Variants in AKIRIN1 observed in about 807,000 individuals in gnomAD.
AKIRIN1 encodes akirin 1, also known as akirin-1.
AKIRIN1 carries 4 observed loss-of-function variants against 25.9 expected under a neutral mutation model. The ratio of observed to expected loss-of-function variants is 0.15; its 90% CI spans 0.08 to 0.35. The LOEUF is 0.35. Ranked by LOEUF, AKIRIN1 falls within the 10% of genes least tolerant of loss-of-function variation. AKIRIN1 has a pLI of 1.00. For synonymous variants in AKIRIN1, 125 were observed against 105.1 expected (o/e 1.19, Z -1.16); for missense variants, 243 against 266.1 (o/e 0.91, Z 0.61).
At chr1:38,992,982 C>T (rs1245039645) in intron 1 of AKIRIN1, among the ~76,000 whole-genome samples, 1 of 152,144 alleles carries the variant, frequency 6.6e-6, no homozygotes, top group Non-Finnish European at 1.5e-5. Flanking sequence ...TTAAAGAACC[C>T]TCAAAGACAG....
At position 39,005,371 on chromosome 1, in the gene AKIRIN1, T is replaced by C. The variant is rs539911811; in HGVS notation, c.*1316T>C. On this transcript the variant is annotated 3_prime_UTR_variant, in exon 5 of 5. Coordinates refer to ENST00000432648, the MANE Select transcript of AKIRIN1 (RefSeq NM_024595.3). Reference sequence around the variant, plus strand: ...CGGGTTCTCCCAAATTCTTTTGAGGTGTCCATGGTCAACTGCTTCAGCTTT... The same window carrying C: ...CGGGTTCTCCCAAATTCTTTTGAGGCGTCCATGGTCAACTGCTTCAGCTTT... 6.6e-6 allele frequency: 1 copy of C among 151,508 alleles called. No homozygotes were observed. The highest frequency in any genetic ancestry group is 1.9e-4 in the East Asian group (1 of 5,156). 9.4% of individuals were successfully genotyped at this position (151,508 alleles called of 1,614,324 possible).
chr1:38,998,963 G>A (rs1570974331), intron 2 of AKIRIN1, among the ~76,000 whole-genome samples: 1 of 152,082 alleles, frequency 6.6e-6, no homozygotes, highest in African/African-American at 2.4e-5. Flanking sequence ...CTGTTGTATT[G>A]TACATGCAGT....
intron 2 of AKIRIN1, 143 bp downstream of exon 2, chr1:38,998,454 C>CATGAAATTGGA: frequency 4.9e-6 from 5 of 1,014,812 alleles, no homozygotes; most frequent in Non-Finnish European, 4.0e-6. Context: ...TAAAACTATA[C>CATGAAATTGGA]AGTCATGAAA....
intron 1 of AKIRIN1, among the ~76,000 whole-genome samples, chr1:38,991,959 A>G (rs987317754): frequency 7.6e-6 from 1 of 131,804 alleles, no homozygotes; most frequent in African/African-American, 2.8e-5. Context: ...CCAGTGGGCC[A>G]TGGAAAATTG....
Position 39,004,091 on chromosome 1 carries a change from C to G in AKIRIN1, c.*36C>G. ...CATATCTGGGTACCAGGTTTGACCT[C>G]AAGAGATGGCTGCTGTACACTTTTT... On this transcript the variant is annotated 3_prime_UTR_variant, in exon 5 of 5. Coordinates refer to ENST00000432648, the MANE Select transcript of AKIRIN1 (RefSeq NM_024595.3). 1.2e-6 allele frequency: 2 copies of G among 1,602,226 alleles called. No individual in the cohort carries two copies. Among genetic ancestry groups the G allele is most frequent in the Non-Finnish European group, 1.7e-6 (2 of 1,169,288 alleles).
At chr1:38,998,081 CAG>C (rs1274256831) in intron 1 of AKIRIN1, 88 bp from the exon 2 acceptor site, 2 of 1,385,526 alleles carry the variant, frequency 1.4e-6, no homozygotes, top group African/African-American at 2.9e-5. Flanking sequence ...AAAGTCTAGT[CAG>C]AAGATCTTTG....
intron 1 of AKIRIN1, among the ~76,000 whole-genome samples, chr1:38,994,656 T>C: frequency 7.2e-6 from 1 of 139,062 alleles, no homozygotes; most frequent in Admixed American, 7.7e-5. Flanking sequence ...CAGGCATGTG[T>C]CACTACGCTC....
rs1644029019 is a variant in AKIRIN1 at position 39,005,675 on chromosome 1, C to G, written c.*1620C>G. 1 of 152,080 alleles carries G rather than the reference C, an allele frequency of 6.6e-6. No homozygotes were observed. Among genetic ancestry groups the G allele is most frequent in the South Asian group, 2.1e-4 (1 of 4,826 alleles). The allele number at this position is 152,080 out of a possible 1,614,324, so 9.4% of individuals were successfully genotyped here. A position where few individuals can be genotyped will look rare whatever the true frequency, so the allele number is the denominator to read the frequency against. Reference sequence around the variant, plus strand: ...ATTCTGAGTTTAATTCAAATGTATGCCAATACCTTCCAAAGTAAGGTAATA... The same window carrying G: ...ATTCTGAGTTTAATTCAAATGTATGGCAATACCTTCCAAAGTAAGGTAATA... On this transcript the variant is annotated 3_prime_UTR_variant, in exon 5 of 5. Transcript: ENST00000432648.
At chr1:39,000,257 G>GTTC (rs1423373051) in intron 2 of AKIRIN1, among the ~76,000 whole-genome samples, 15 of 152,070 alleles carry the variant, frequency 9.9e-5, no homozygotes, top group South Asian at 4.2e-4. Context: ...AACCAGGCTG[G>GTTC]TAGAAGCTTA....
intron 1 of AKIRIN1, among the ~76,000 whole-genome samples, chr1:38,997,909 G>A (rs146906551): frequency 2.0e-5 from 3 of 152,292 alleles, no homozygotes; most frequent in East Asian, 3.9e-4. Flanking sequence ...ACTCTGTCTG[G>A]TTTATGCCAA....
At chr1:38,994,339 G>A (rs1643931017) in intron 1 of AKIRIN1, among the ~76,000 whole-genome samples, 1 of 152,144 alleles carries the variant, frequency 6.6e-6, no homozygotes, top group Admixed American at 6.6e-5. Flanking sequence ...GTAAAACTAA[G>A]CCTTTTATTG....
At chr1:38,993,395 G>T (rs893364501) in intron 1 of AKIRIN1, among the ~76,000 whole-genome samples, 5 of 151,792 alleles carry the variant, frequency 3.3e-5, no homozygotes, top group Non-Finnish European at 7.4e-5. Flanking sequence ...GCCGGGCGAG[G>T]TTGCGTTGAG....
intron 2 of AKIRIN1, among the ~76,000 whole-genome samples, chr1:39,000,380 G>A (rs966613048): frequency 1.2e-5 from 1 of 85,550 alleles, no homozygotes; most frequent in Non-Finnish European, 2.3e-5. Flanking sequence ...TTTTGCTCTT[G>A]TTGCCCCGTT....
intron 3 of AKIRIN1, among the ~76,000 whole-genome samples, chr1:39,002,768 T>G (rs1007067699): frequency 2.6e-5 from 4 of 152,070 alleles, no homozygotes; most frequent in African/African-American, 9.7e-5. Context: ...TCATTCCCTC[T>G]CCCACTCCCA....
intron 1 of AKIRIN1, among the ~76,000 whole-genome samples, chr1:38,994,384 A>C (rs958081913): frequency 2.0e-5 from 3 of 152,226 alleles, no homozygotes; most frequent in African/African-American, 7.2e-5. Context: ...TGAATTCCAG[A>C]CATGGAAGAA....
Position 39,004,033 on chromosome 1 carries a change from C to G in AKIRIN1, c.569-12C>G. ...ATTCTTACCCTTTTTGTTTTTTATT[C>G]TTAATTTACAGATGTGTCATGAAGC... On this transcript the variant is annotated splice_polypyrimidine_tract_variant and intron_variant, in intron 4 of 4. Coordinates refer to ENST00000432648, the MANE Select transcript of AKIRIN1 (RefSeq NM_024595.3). The G allele has an allele frequency of 1.2e-6, 2 of 1,605,380 alleles. No homozygotes were observed. Among genetic ancestry groups the G allele is most frequent in the Non-Finnish European group, 1.7e-6 (2 of 1,174,334 alleles).
chr1:38,994,807 A>G (rs1643935509), intron 1 of AKIRIN1, among the ~76,000 whole-genome samples: 1 of 148,480 alleles, frequency 6.7e-6, no homozygotes, highest in African/African-American at 2.5e-5. Context: ...CTCCTGCCTT[A>G]GCCTCCCAGA....
chr1:38,993,006 C>T (rs1247902724), intron 1 of AKIRIN1, among the ~76,000 whole-genome samples: 2 of 152,174 alleles, frequency 1.3e-5, no homozygotes, highest in African/African-American at 4.8e-5. Context: ...CCATAGATGG[C>T]CACTTGCAGT....
intron 1 of AKIRIN1, 62 bp downstream of exon 1, chr1:38,991,662 G>T: frequency 2.3e-6 from 2 of 888,112 alleles, no homozygotes; most frequent in Non-Finnish European, 2.9e-6. Flanking sequence ...GGGGGGGGTG[G>T]TGGGGGAGGG....
Sources: gnomAD v4.1 joint callset for allele counts (sites outside exome capture counted in the v4.1 genomes callset) on GRCh38, gnomAD v4.1.1 for gene constraint, MANE v1.5 for transcripts, NCBI Gene and HGNC (gene_info 2026-07-23, HGNC 2026-07-21) for gene names.